Variants in BNIP3 observed in about 807,000 individuals in gnomAD.
BNIP3 encodes BCL2 interacting protein 3.
Under a neutral mutation model 23.9 loss-of-function variants are expected in BNIP3, and 16 were observed. The observed-to-expected ratio is 0.67, with a 90% CI of 0.45 to 1.01. The LOEUF is 1.01. Among genes scored for constraint, BNIP3 ranks in the 50% least tolerant of loss-of-function variants. The pLI is 0.00. For synonymous variants in BNIP3, 81 were observed against 89.3 expected (o/e 0.91, Z 0.53); for missense variants, 198 against 248.7 (o/e 0.80, Z 1.37).
chr10:131,978,112 T>G (rs1322151780), intron 1 of BNIP3, among the ~76,000 whole-genome samples: 1 of 152,154 alleles, frequency 6.6e-6, no homozygotes, highest in African/African-American at 2.4e-5. Context: ...GTGCTGCTGT[T>G]GCTGCTGCAA....
intron 2 of BNIP3, 156 bp downstream of exon 2, chr10:131,973,637 A>T (rs1254565011): frequency 2.1e-6 from 2 of 972,742 alleles, no homozygotes; most frequent in Non-Finnish European, 3.0e-6. Context: ...CGAGGCTCCT[A>T]TATAAGGACG....
rs115488341 is a variant in BNIP3, at chr10:131,981,828, C to A, written c.-22G>T. The A allele has an allele frequency of 5.5e-6, 8 of 1,445,784 alleles. No individual in the cohort carries two copies. The highest frequency in any genetic ancestry group is 1.5e-5 in the African/African-American group (1 of 67,496). 89.6% of individuals were successfully genotyped at this position (1,445,784 alleles called of 1,614,324 possible). A position where few individuals can be genotyped will look rare whatever the true frequency, so the allele number is the denominator to read the frequency against. On this transcript the variant is annotated 5_prime_UTR_variant, in exon 1 of 6. Coordinates refer to ENST00000368636, the MANE Select transcript of BNIP3 (RefSeq NM_004052.4). ...ACATGGCGCCAGAGGGCAACTGCGG[C>A]GATCGGAGTCCGCGCCGGGCTGCGG...
rs913437425 is a variant in BNIP3, at chr10:131,970,886, G to A, written c.367C>T (p.Arg123Trp). ...CACTTGGGGGGAATATTTTCCGGCC[G>A]ACTTGACCAATCCCATATCCAATCT... ...NSDWIWDWSS[R>W]PENIPPKEFL... The change falls in exon 4 of 6, where the codon CGG becomes TGG. Residue 123 changes from arginine to tryptophan, a missense_variant. Physicochemically the swap from Arg to Trp is moderately radical, Grantham distance 101 (BLOSUM62 -3). Coordinates refer to ENST00000368636, the MANE Select transcript of BNIP3 (RefSeq NM_004052.4). This position sits in a 1 kb window ranked among gnomAD's most constrained non-coding sequence, Gnocchi z 4.1. 3.1e-6 allele frequency: 5 copies of A among 1,614,110 alleles called. No individual in the cohort carries two copies. The highest frequency in any genetic ancestry group is 1.1e-5 in the South Asian group (1 of 91,088).
In BNIP3 at chr10:131,970,805, G is replaced by GT. The variant is rs772352851; in HGVS notation, c.390-19dup. The GT allele has an allele frequency of 4.3e-6, 7 of 1,614,224 alleles. No individual in the cohort carries two copies. The South Asian group carries it at 7.7e-5, about 18-fold the overall frequency. The stretch of plus-strand genomic sequence containing the variant: ...GGAACTCCCTGAGGCGGGAAGAAAC[G>GT]TGTCAGCTGATGTGTCCTCTGTCAA... On this transcript the variant is annotated intron_variant, in intron 4 of 5. Transcript: ENST00000368636. The surrounding 1 kb of genome is among the most constrained non-coding windows in gnomAD (Gnocchi z 4.1).
In BNIP3 at chr10:131,981,916, C is replaced by G. The variant is rs1024955076; in HGVS notation, c.-110G>C. On this transcript the variant is annotated 5_prime_UTR_variant, in exon 1 of 6. Transcript: ENST00000368636. ...CGGAGCGCCGCGGCCCAGCTGCGCT[C>G]CCGGACTGAGCGGAGCCCCGCAGCC... 12 of 1,275,906 alleles carry G rather than the reference C, an allele frequency of 9.4e-6. No homozygotes were observed. The highest frequency in any genetic ancestry group is 3.9e-5 in the South Asian group (2 of 51,808). The allele number at this position is 1,275,906 out of a possible 1,614,324, so 79.0% of individuals were successfully genotyped here.
rs767977393 is a variant in BNIP3, at chr10:131,970,767, G to A, written c.410C>T (p.Pro137Leu). The part of the protein sequence containing the change: ...IPPKEFLFKH[P>L]KRTATLSMRN... The stretch of plus-strand genomic sequence containing the variant: ...CATGCTGAGGGTGGCCGTGCGCTTC[G>A]GGTGTTTAAAGAGGAACTCCCTGAG... Residue 137 changes from proline (P) to leucine (L), a missense_variant, in exon 5 of 6, where the codon CCG (proline) becomes CTG (leucine). By Grantham distance (98) the Pro-to-Leu change is moderately conservative. Coordinates refer to ENST00000368636, the MANE Select transcript of BNIP3 (RefSeq NM_004052.4). This position sits in a 1 kb window ranked among gnomAD's most constrained non-coding sequence, Gnocchi z 4.1. 4.3e-6 allele frequency: 7 copies of A among 1,614,068 alleles called. No individual in the cohort carries two copies. The East Asian group carries it at 6.7e-5, about 15-fold the overall frequency.
Position 131,967,851 on chromosome 10 carries a change from G to A in BNIP3, c.*673C>T, listed in dbSNP as rs1466631362. 1 of 152,240 alleles carries A rather than the reference G, an allele frequency of 6.6e-6. No individual in the cohort carries two copies. The highest frequency in any genetic ancestry group is 2.4e-5 in the African/African-American group (1 of 41,446). The allele number at this position is 152,240 out of a possible 1,614,324, so 9.4% of individuals were successfully genotyped here. On this transcript the variant is annotated 3_prime_UTR_variant, in exon 6 of 6. Coordinates refer to ENST00000368636, the MANE Select transcript of BNIP3 (RefSeq NM_004052.4). ...GATAAAGAGGAAAAGATACTGAGTAGGTGCCTTCAGCAGAAAACTGATCAT... is the reference window on the plus strand; with the variant it reads ...GATAAAGAGGAAAAGATACTGAGTAAGTGCCTTCAGCAGAAAACTGATCAT...
intron 3 of BNIP3, chr10:131,971,329 TATAAG>T (rs1195883520): frequency 3.8e-6 from 1 of 266,416 alleles, no homozygotes; most frequent in East Asian, 9.6e-5. Flanking sequence ...CAGCACTGGT[TATAAG>T]AAAAGAAAAT....
rs765960856 is a variant in BNIP3 at position 131,970,784 on chromosome 10, C to A, written c.393G>T (p.Glu131Asp). The A allele has an allele frequency of 6.2e-6, 10 of 1,614,096 alleles. No homozygotes were observed. In the South Asian group the frequency reaches 1.1e-4, roughly 18 times the overall value. Residue 131 changes from glutamate to aspartate, a missense_variant, in exon 5 of 6, where the codon GAG (glutamate) becomes GAT (aspartate). Physicochemically the swap from Glu to Asp is conservative, Grantham distance 45. Transcript: ENST00000368636. This position sits in a 1 kb window ranked among gnomAD's most constrained non-coding sequence, Gnocchi z 4.1. The part of the protein sequence containing the change: ...SSRPENIPPK[E>D]FLFKHPKRTA... ...TGCGCTTCGGGTGTTTAAAGAGGAA[C>A]TCCCTGAGGCGGGAAGAAACGTGTC...
At chr10:131,971,157 C>G (rs2037029223) in intron 3 of BNIP3, 187 bp from the exon 4 acceptor site, 6 of 602,108 alleles carry the variant, frequency 1.0e-5, no homozygotes, top group Non-Finnish European at 1.8e-5. Context: ...CGCCGCACTC[C>G]CGGCTCACAG....
intron 1 of BNIP3, among the ~76,000 whole-genome samples, chr10:131,979,584 C>T (rs910715995): frequency 2.0e-5 from 3 of 152,012 alleles, no homozygotes; most frequent in African/African-American, 4.8e-5. Flanking sequence ...AGTGACATGT[C>T]TAGGAGAAAA....
Position 131,981,802 on chromosome 10 carries a change from G to C in BNIP3, c.5C>G (p.Ser2Trp). Residue 2 changes from serine to tryptophan, a missense_variant, in exon 1 of 6, where the codon TCG (serine) becomes TGG (tryptophan). Physicochemically the swap from Ser to Trp is radical, Grantham distance 177. Coordinates refer to ENST00000368636, the MANE Select transcript of BNIP3 (RefSeq NM_004052.4). M[S>W]QNGAPGMQEE... ...CTGCATCCCGGGCGCTCCGTTCTGC[G>C]ACATGGCGCCAGAGGGCAACTGCGG... 1 of 1,480,650 alleles carries C rather than the reference G, an allele frequency of 6.8e-7. No homozygotes were observed. Among genetic ancestry groups the C allele is most frequent in the East Asian group, 2.9e-5 (1 of 34,470 alleles). The allele number at this position is 1,480,650 out of a possible 1,614,324, so 91.7% of individuals were successfully genotyped here. A position where few individuals can be genotyped will look rare whatever the true frequency, so the allele number is the denominator to read the frequency against.
In BNIP3 at chr10:131,970,824, C is replaced by CT. The variant is rs1564834449; in HGVS notation, c.390-38dup. The CT allele has an allele frequency of 2.5e-6, 4 of 1,614,252 alleles. No individual in the cohort carries two copies. Among genetic ancestry groups the CT allele is most frequent in the Non-Finnish European group, 3.4e-6 (4 of 1,180,048 alleles). ...AGAAACGTGTCAGCTGATGTGTCCTCTGTCAAGGGGTGCCCCCGTGACACT... is the reference window on the plus strand; with the variant it reads ...AGAAACGTGTCAGCTGATGTGTCCTCTTGTCAAGGGGTGCCCCCGTGACACT... On this transcript the variant is annotated intron_variant, in intron 4 of 5. Transcript: ENST00000368636. The surrounding 1 kb of genome is among the most constrained non-coding windows in gnomAD (Gnocchi z 4.1).
At chr10:131,969,783 G>A (rs527505001) in intron 5 of BNIP3, 1 of 152,406 alleles carries the variant, frequency 6.6e-6, no homozygotes, top group Non-Finnish European at 1.5e-5. Context: ...CCGAGGAGGA[G>A]CCGTTTTGGC....
In BNIP3 at chr10:131,976,322, G is replaced by T. The variant is rs2037077658; in HGVS notation, c.47-2379C>A. Among the ~76,000 whole-genome samples, 1 of 152,156 alleles carries T rather than the reference G, an allele frequency of 6.6e-6. No individual in the cohort carries two copies. The highest frequency in any genetic ancestry group is 1.5e-5 in the Non-Finnish European group (1 of 68,030). On this transcript the variant is annotated intron_variant, in intron 1 of 5. Transcript: ENST00000368636. The surrounding 1 kb of genome is among the most constrained non-coding windows in gnomAD (Gnocchi z 4.3). ...GGGACACCAAGTCACCACCACCGGG[G>T]TGTCCAACGATTCAATTCCATTCTA...
chr10:131,979,034 T>G (rs1282767889), intron 1 of BNIP3, among the ~76,000 whole-genome samples: 1 of 152,152 alleles, frequency 6.6e-6, no homozygotes, highest in East Asian at 1.9e-4. Context: ...CCCTCCACCT[T>G]CCTGTTGCCT....
intron 2 of BNIP3, 33 bp from the exon 3 acceptor site, chr10:131,973,151 A>T: frequency 6.3e-7 from 1 of 1,596,880 alleles, no homozygotes; most frequent in Non-Finnish European, 8.6e-7. Flanking sequence ...GAAAAACAGA[A>T]CATCATGTGA....
At position 131,970,356 on chromosome 10, in the gene BNIP3, T is replaced by C. The variant is rs772226016; in HGVS notation, c.539+282A>G. ...TTCACCTACACACAGGACAAAGAGG[T>C]CAGACCTAAGAAGCCCTGCTTTGAC... is the stretch of plus-strand genomic sequence containing the variant. On this transcript the variant is annotated intron_variant, in intron 5 of 5. Coordinates refer to ENST00000368636, the MANE Select transcript of BNIP3 (RefSeq NM_004052.4). The surrounding 1 kb of genome is among the most constrained non-coding windows in gnomAD (Gnocchi z 4.1). The C allele has an allele frequency of 2.2e-5, 11 of 489,356 alleles. No homozygotes were observed. The highest frequency in any genetic ancestry group is 4.0e-5 in the Non-Finnish European group (11 of 272,702). The allele number at this position is 489,356 out of a possible 1,614,324, so 30.3% of individuals were successfully genotyped here.
rs767644965 is a variant in BNIP3 at position 131,973,948 on chromosome 10, T to G, written c.47-5A>C. 2.4e-5 allele frequency: 39 copies of G among 1,613,166 alleles called. No individual in the cohort carries two copies. The highest frequency in any genetic ancestry group is 3.3e-5 in the Non-Finnish European group (39 of 1,179,876). ...AGTGCAGTTCTACCCAGGAGCCTGA[T>G]GGGGACAAAAAAAGGGGCGCAGATG... is the stretch of plus-strand genomic sequence containing the variant. On this transcript the variant is annotated splice_region_variant and splice_polypyrimidine_tract_variant and intron_variant, in intron 1 of 5. Coordinates refer to ENST00000368636, the MANE Select transcript of BNIP3 (RefSeq NM_004052.4).
Sources: gnomAD v4.1 joint callset for allele counts (sites outside exome capture counted in the v4.1 genomes callset) on GRCh38, gnomAD v4.1.1 for gene constraint, Gnocchi (gnomAD v3.1) non-coding constraint, MANE v1.5 for transcripts, NCBI Gene and HGNC (gene_info 2026-07-23, HGNC 2026-07-21) for gene names.